Variants in LAMC1 observed in about 807,000 individuals in gnomAD.
LAMC1 encodes laminin subunit gamma-1.
Under a neutral mutation model 173.6 loss-of-function variants are expected in LAMC1, and 38 were observed. The ratio of observed to expected loss-of-function variants is 0.22; its 90% confidence interval spans 0.17 to 0.29. The LOEUF is 0.29. Among genes scored for constraint, LAMC1 ranks in the 10% least tolerant of loss-of-function variants. The pLI is 1.00. For synonymous variants in LAMC1, 746 were observed against 749.1 expected (o/e 1.00, Z 0.07); for missense variants, 1,824 against 2,051.8 (o/e 0.89, Z 2.14).
chr1:183,061,210 C>T (rs950649086), intron 1 of LAMC1, among the ~76,000 whole-genome samples: 4 of 152,150 alleles, frequency 2.6e-5, no homozygotes, highest in African/African-American at 9.7e-5. Context: ...CCAAGGTTCC[C>T]AGCCCCCATA....
At chr1:183,085,958 T>C (rs549463332) in intron 1 of LAMC1, among the ~76,000 whole-genome samples, 1 of 152,278 alleles carries the variant, frequency 6.6e-6, no homozygotes, top group East Asian at 1.9e-4. Context: ...TTTAAGAACT[T>C]GGAGTGCTTG....
intron 1 of LAMC1, among the ~76,000 whole-genome samples, chr1:183,032,521 T>C (rs77226663): frequency 6.7e-6 from 1 of 149,238 alleles, no homozygotes; most frequent in Non-Finnish European, 1.5e-5. Flanking sequence ...CATTGCTTGC[T>C]TTTTTTTTTA....
chr1:183,125,660 T>A, intron 15 of LAMC1, 110 bp downstream of exon 15: 1 of 811,770 alleles, frequency 1.2e-6, no homozygotes, highest in Non-Finnish European at 1.9e-6. Context: ...CTGGAGCGCC[T>A]AATGTAGGCA....
intron 1 of LAMC1, among the ~76,000 whole-genome samples, chr1:183,050,678 G>A (rs1654400197): frequency 6.7e-6 from 1 of 148,964 alleles, no homozygotes; most frequent in Admixed American, 6.6e-5. Flanking sequence ...GATCACATGA[G>A]GTCAGGAGTT....
intron 1 of LAMC1, among the ~76,000 whole-genome samples, chr1:183,035,590 T>G (rs1653959884): frequency 6.6e-6 from 1 of 152,202 alleles, no homozygotes; most frequent in African/African-American, 2.4e-5. Flanking sequence ...ATTTATTGAA[T>G]TTGAGAATGA....
At chr1:183,064,491 C>G (rs2102034716) in intron 1 of LAMC1, among the ~76,000 whole-genome samples, 1 of 152,204 alleles carries the variant, frequency 6.6e-6, no homozygotes, top group African/African-American at 2.4e-5. Context: ...ACTTCTAAAA[C>G]TAAACTTTGA....
At chr1:183,137,095 C>A (rs10911260) in intron 25 of LAMC1, among the ~76,000 whole-genome samples, 80,805 of 152,030 alleles carry the variant, frequency 0.53, 21,963 homozygotes, top group South Asian at 0.65. Flanking sequence ...ATTTCAAGGT[C>A]AATCTGTTTG....
chr1:183,038,242 G>A (rs2102012857), intron 1 of LAMC1, among the ~76,000 whole-genome samples: 1 of 152,146 alleles, frequency 6.6e-6, no homozygotes, highest in Non-Finnish European at 1.5e-5. Context: ...TACCATGTTG[G>A]CCAGGCTGGT....
chr1:183,130,145 G>A (rs961701583), intron 18 of LAMC1, among the ~76,000 whole-genome samples, 199 bp from the exon 19 acceptor site: 1 of 152,200 alleles, frequency 6.6e-6, no homozygotes, highest in Non-Finnish European at 1.5e-5. Flanking sequence ...TGGACGCACG[G>A]TTGGAGGTGT....
At chr1:183,065,819 A>G (rs1654861171) in intron 1 of LAMC1, among the ~76,000 whole-genome samples, 1 of 152,258 alleles carries the variant, frequency 6.6e-6, no homozygotes, top group African/African-American at 2.4e-5. Flanking sequence ...TGGTATTGAA[A>G]GAGCCAGTGA....
intron 17 of LAMC1, among the ~76,000 whole-genome samples, chr1:183,127,957 T>C (rs1174296301): frequency 6.6e-6 from 1 of 152,198 alleles, no homozygotes; most frequent in Non-Finnish European, 1.5e-5. Flanking sequence ...AGAGGAGCAC[T>C]CTTGACTGAT....
chr1:183,056,970 T>C (rs1654613057), intron 1 of LAMC1, among the ~76,000 whole-genome samples: 1 of 152,228 alleles, frequency 6.6e-6, no homozygotes, highest in South Asian at 2.1e-4. Flanking sequence ...TTGTAACACA[T>C]GAATTAATAA....
chr1:183,096,661 A>G (rs1163270292), intron 1 of LAMC1: 1 of 152,210 alleles, frequency 6.6e-6, no homozygotes, highest in Non-Finnish European at 1.5e-5. Flanking sequence ...TTAGTTAGGA[A>G]TTACTATTTT....
At position 183,101,113 on chromosome 1, in the gene LAMC1, G is replaced by A. The variant is rs145183136; in HGVS notation, c.419-2215G>A. On this transcript the variant is annotated intron_variant, in intron 1 of 27. Coordinates refer to ENST00000258341, the MANE Select transcript of LAMC1 (RefSeq NM_002293.4). ...CTCTCCTTTGGCCCAGTCTGCTGCCGTTGGGTTGCTAAAGAACAATGAGAT... is the reference window on the plus strand; with the variant it reads ...CTCTCCTTTGGCCCAGTCTGCTGCCATTGGGTTGCTAAAGAACAATGAGAT... Among the ~76,000 whole-genome samples, 8 of 152,194 alleles carry A rather than the reference G, an allele frequency of 5.3e-5. No homozygotes were observed. The South Asian group carries it at 6.2e-4, about 12-fold the overall frequency.
intron 1 of LAMC1, among the ~76,000 whole-genome samples, chr1:183,030,637 T>A (rs921547469): frequency 2.0e-5 from 3 of 152,170 alleles, no homozygotes; most frequent in African/African-American, 4.8e-5. Context: ...GTAAATTTTT[T>A]AAAAAAGTAC....
intron 1 of LAMC1, among the ~76,000 whole-genome samples, chr1:183,041,372 A>G (rs1654127916): frequency 6.6e-6 from 1 of 152,058 alleles, no homozygotes; most frequent in African/African-American, 2.4e-5. Context: ...GCTACTTCCT[A>G]ATCATCTTTA....
chr1:183,054,882 A>G (rs1262691222), intron 1 of LAMC1, among the ~76,000 whole-genome samples: 2 of 152,062 alleles, frequency 1.3e-5, no homozygotes, highest in African/African-American at 4.8e-5. Flanking sequence ...GCAGGCCAGG[A>G]AGCCAGTGGT....
chr1:183,063,762 G>A (rs1399392622), intron 1 of LAMC1, among the ~76,000 whole-genome samples: 6 of 152,032 alleles, frequency 3.9e-5, no homozygotes, highest in African/African-American at 1.2e-4. Flanking sequence ...TTCATACATC[G>A]GATGAACTTA....
intron 11 of LAMC1, among the ~76,000 whole-genome samples, chr1:183,120,547 A>T (rs958010516): frequency 2.0e-5 from 3 of 152,364 alleles, no homozygotes; most frequent in Admixed American, 6.5e-5. Flanking sequence ...ATTTCATAAC[A>T]TGAAAAATAC....
Sources: allele counts gnomAD v4.1 joint callset (sites outside exome capture counted in the v4.1 genomes callset), GRCh38; gene constraint gnomAD v4.1.1; transcripts MANE v1.5; gene names NCBI Gene and HGNC (gene_info 2026-07-23, HGNC 2026-07-21).